The following PREP variants were observed in gnomAD, a reference collection of about 807,000 sequenced individuals.
The protein encoded by PREP is prolyl endopeptidase.
PREP carries 29 observed loss-of-function variants against 87.6 expected under a neutral mutation model. The observed-to-expected ratio is 0.33, with a 90% CI of 0.25 to 0.45. PREP has a LOEUF of 0.45. Among genes scored for constraint, PREP ranks in the 20% least tolerant of loss-of-function variants. The probability of loss-of-function intolerance (pLI) is 1.00; values close to 1 mark genes in which losing one functional copy is unlikely to be tolerated. For missense variants in PREP, 695 were observed against 886.5 expected (o/e 0.78, Z 2.74); for synonymous variants, 337 against 328.6 (o/e 1.03, Z -0.28).
intron 10 of PREP, among the ~76,000 whole-genome samples, chr6:105,317,268 T>C (rs114730760): frequency 8.4e-4 from 128 of 152,178 alleles, no homozygotes; most frequent in African/African-American, 2.9e-3. Context: ...AACATGTTTA[T>C]TTAAGAGGTG....
At chr6:105,397,730 T>C (rs1408214803) in intron 2 of PREP, 123 bp downstream of exon 2, 1 of 756,060 alleles carries the variant, frequency 1.3e-6, no homozygotes, top group Non-Finnish European at 2.3e-6. Flanking sequence ...ACAACAGGTA[T>C]ACTCACCATC....
intron 2 of PREP, among the ~76,000 whole-genome samples, chr6:105,382,142 C>T (rs1176039860): frequency 6.7e-6 from 1 of 149,792 alleles, no homozygotes; most frequent in Admixed American, 6.7e-5. Context: ...TTACCAGAGG[C>T]GGGGGTTGGG....
In PREP at chr6:105,397,888, C is replaced by A. The variant is rs763215483; in HGVS notation, c.85G>T (p.Ala29Ser). 2 of 1,612,646 alleles carry A rather than the reference C, an allele frequency of 1.2e-6. No homozygotes were observed. The highest frequency in any genetic ancestry group is 1.6e-4 in the Middle Eastern group (1 of 6,082). Residue 29 changes from alanine (A) to serine (S), a missense_variant, in exon 2 of 15, where the codon GCC (alanine) becomes TCC (serine). By Grantham distance (99) the Ala-to-Ser change is moderately conservative. Coordinates refer to ENST00000652536, the MANE Select transcript of PREP (RefSeq NM_002726.5). ...YHGHKICDPYAWLEDPDSEQT... is the reference protein window; with the variant it reads ...YHGHKICDPYSWLEDPDSEQT... ...TCACTGTCGGGGTCTTCAAGCCAGG[C>A]GTAAGGGTCACAAATTTTATGACCA...
At chr6:105,333,590 T>C (rs1771398501) in intron 7 of PREP, 85 bp from the exon 8 acceptor site, 10 of 1,317,470 alleles carry the variant, frequency 7.6e-6, no homozygotes, top group African/African-American at 1.5e-5. Flanking sequence ...GGGTGGATCT[T>C]TCTTATCCTC....
At chr6:105,357,193 C>T (rs541899574) in intron 6 of PREP, among the ~76,000 whole-genome samples, 2 of 152,308 alleles carry the variant, frequency 1.3e-5, no homozygotes, top group East Asian at 3.9e-4. Flanking sequence ...AAAGCAACAT[C>T]ATTAATACTA....
In PREP at chr6:105,277,906, A is replaced by C; in HGVS notation, c.*238T>G. 1 of 573,730 alleles carries C rather than the reference A, an allele frequency of 1.7e-6. No homozygotes were observed. Among genetic ancestry groups the C allele is most frequent in the South Asian group, 2.4e-5 (1 of 41,328 alleles). The allele number at this position is 573,730 out of a possible 1,614,324, so 35.5% of individuals were successfully genotyped here. A position where few individuals can be genotyped will look rare whatever the true frequency, so the allele number is the denominator to read the frequency against. Reference sequence around the variant, plus strand: ...GCTATTTATCCCAACATGCCCTTAAAAAAAACACCAAAAAACCACATGTGC... The same window carrying C: ...GCTATTTATCCCAACATGCCCTTAACAAAAACACCAAAAAACCACATGTGC... On this transcript the variant is annotated 3_prime_UTR_variant, in exon 15 of 15. Coordinates refer to ENST00000652536, the MANE Select transcript of PREP (RefSeq NM_002726.5).
chr6:105,360,330 G>C (rs946203945), intron 6 of PREP, among the ~76,000 whole-genome samples: 7 of 152,166 alleles, frequency 4.6e-5, no homozygotes, highest in Non-Finnish European at 1.0e-4. Flanking sequence ...GGGGAAAGAA[G>C]TGTTCCCCTT....
Position 105,402,897 on chromosome 6 carries a change from G to C in PREP, c.-6C>G. The stretch of plus-strand genomic sequence containing the variant: ...GGGTACTGAAGGGACAGCATGGCCG[G>C]GGACAGGCAGGGGGCAGCGTGGAGG... On this transcript the variant is annotated 5_prime_UTR_variant, in exon 1 of 15. Transcript: ENST00000652536. 1 of 1,509,802 alleles carries C rather than the reference G, an allele frequency of 6.6e-7. No individual in the cohort carries two copies. The highest frequency in any genetic ancestry group is 8.9e-7 in the Non-Finnish European group (1 of 1,120,074). The allele number at this position is 1,509,802 out of a possible 1,614,324, so 93.5% of individuals were successfully genotyped here.
At chr6:105,321,452 C>T (rs959381545) in intron 10 of PREP, among the ~76,000 whole-genome samples, 2 of 152,202 alleles carry the variant, frequency 1.3e-5, no homozygotes, top group African/African-American at 4.8e-5. Context: ...ATGTTCTCCA[C>T]GGTTTAACCT....
At chr6:105,306,196 GACTA>G (rs1770650796) in intron 10 of PREP, among the ~76,000 whole-genome samples, 1 of 152,104 alleles carries the variant, frequency 6.6e-6, no homozygotes, top group Non-Finnish European at 1.5e-5. Flanking sequence ...AGCTGAAGAT[GACTA>G]ACTGAATCAT....
chr6:105,368,330 C>T (rs1772447779), intron 6 of PREP, among the ~76,000 whole-genome samples: 1 of 152,160 alleles, frequency 6.6e-6, no homozygotes. Flanking sequence ...AGCTGATTCT[C>T]AAAATACAGA....
intron 7 of PREP, among the ~76,000 whole-genome samples, chr6:105,336,015 C>T (rs1562204917): frequency 1.3e-5 from 2 of 152,202 alleles, no homozygotes; most frequent in Non-Finnish European, 2.9e-5. Context: ...CCCAGAACTT[C>T]GGGAGGCCGA....
At chr6:105,354,557 T>C (rs1772042005) in intron 6 of PREP, among the ~76,000 whole-genome samples, 1 of 151,738 alleles carries the variant, frequency 6.6e-6, no homozygotes, top group Admixed American at 6.6e-5. Flanking sequence ...TACATTTAAA[T>C]GAGCAGACTT....
intron 10 of PREP, chr6:105,323,207 A>T: frequency 2.9e-6 from 3 of 1,048,544 alleles, no homozygotes; most frequent in Non-Finnish European, 4.0e-6. Context: ...ATTCATTCAA[A>T]TGTTTTATTG....
intron 6 of PREP, among the ~76,000 whole-genome samples, chr6:105,359,985 A>G (rs1386606826): frequency 6.6e-6 from 1 of 152,180 alleles, no homozygotes; most frequent in African/African-American, 2.4e-5. Flanking sequence ...TTCCCAGGGA[A>G]ACTGATCTGT....
Position 105,278,273 on chromosome 6 carries a change from G to GT in PREP, c.2003dup (p.Asn668LysfsTer52). ...TGGTGTCCACGTGGATAAGCAGGGG[G>GT]TTGCTTTGCTTCCTGCTGCGGCCCA... On this transcript the variant is annotated frameshift_variant, in exon 15 of 15. Transcript: ENST00000652536. LOFTEE classifies it high-confidence loss of function. This position sits in a 1 kb window ranked among gnomAD's most constrained non-coding sequence, Gnocchi z 4.2. 1 of 1,614,248 alleles carries GT rather than the reference G, an allele frequency of 6.2e-7. No homozygotes were observed. The highest frequency in any genetic ancestry group is 8.5e-7 in the Non-Finnish European group (1 of 1,180,046).
chr6:105,295,911 T>C (rs1284914076), intron 10 of PREP, among the ~76,000 whole-genome samples: 1 of 152,252 alleles, frequency 6.6e-6, no homozygotes, highest in Non-Finnish European at 1.5e-5. Context: ...ATTTAGGCTA[T>C]TCTTTATGTT....
intron 10 of PREP, among the ~76,000 whole-genome samples, chr6:105,322,044 A>C (rs142004224): frequency 8.9e-4 from 136 of 152,232 alleles, no homozygotes; most frequent in African/African-American, 3.2e-3. Context: ...AGAAAACCAA[A>C]TGTCACAACT....
intron 10 of PREP, among the ~76,000 whole-genome samples, chr6:105,321,569 ATTAGGTGGTAAC>A (rs1407946912): frequency 6.6e-6 from 1 of 152,192 alleles, no homozygotes; most frequent in Non-Finnish European, 1.5e-5. Context: ...AACAATATAT[ATTAGGTGGTAAC>A]TAGCTTGTCA....
Sources: gnomAD v4.1 joint callset for allele counts (sites outside exome capture counted in the v4.1 genomes callset) on GRCh38, gnomAD v4.1.1 for gene constraint, Gnocchi (gnomAD v3.1) non-coding constraint, MANE v1.5 for transcripts, NCBI Gene and HGNC (gene_info 2026-07-23, HGNC 2026-07-21) for gene names.